The following MAGI2 variants were observed in gnomAD, a reference collection of about 807,000 sequenced individuals.
MAGI2 encodes membrane-associated guanylate kinase, WW and PDZ domain-containing protein 2.
MAGI2 carries 35 observed loss-of-function variants against 133.3 expected under a neutral mutation model. That is an observed-to-expected ratio of 0.26 (90% confidence interval 0.20 to 0.35). The LOEUF (loss-of-function observed/expected upper bound fraction) is 0.35, where lower values mean the gene tolerates loss of function less well. Ranked by LOEUF, MAGI2 falls within the 10% of genes least tolerant of loss-of-function variation. The pLI, the probability that MAGI2 is intolerant of heterozygous loss-of-function variation, is 1.00. For missense variants in MAGI2, 1,636 were observed against 1,863.4 expected, an observed-to-expected ratio of 0.88 and a Z score of 2.25; for synonymous variants, 729 against 710.6, an observed-to-expected ratio of 1.03 and a Z score of -0.41.
In MAGI2 at chr7:78,758,264, G is replaced by T. The variant is rs1824157542; in HGVS notation, c.419-131025C>A. Among the ~76,000 whole-genome samples, 3 of 150,926 alleles carry T rather than the reference G, an allele frequency of 2.0e-5. No homozygotes were observed. The South Asian group carries it at 6.3e-4, about 32-fold the overall frequency. Reference sequence around the variant, plus strand: ...ATTGGTCTCCCTCATACAAGACAGGGTTTTTTTTTCTGTTTTATTATATAT... The same window carrying T: ...ATTGGTCTCCCTCATACAAGACAGGTTTTTTTTTTCTGTTTTATTATATAT... On this transcript the variant is annotated intron_variant, in intron 2 of 21. Coordinates refer to ENST00000354212, the MANE Select transcript of MAGI2 (RefSeq NM_012301.4).
At chr7:78,228,272 G>GT (rs1303533119) in intron 10 of MAGI2, among the ~76,000 whole-genome samples, 4 of 152,332 alleles carry the variant, frequency 2.6e-5, no homozygotes, top group Admixed American at 6.5e-5. Context: ...CTAGATCACT[G>GT]TTTCCTAAGT....
chr7:78,819,252 A>AT (rs2151423553), intron 2 of MAGI2, among the ~76,000 whole-genome samples: 1 of 152,186 alleles, frequency 6.6e-6, no homozygotes, highest in South Asian at 2.1e-4. Context: ...CATGGGAGAG[A>AT]TTTCTTACAG....
At chr7:79,425,500 C>A (rs1381455649) in intron 1 of MAGI2, among the ~76,000 whole-genome samples, 1 of 151,150 alleles carries the variant, frequency 6.6e-6, no homozygotes, top group African/African-American at 2.4e-5. Flanking sequence ...TACTTCCAGG[C>A]AATTAGAATA....
chr7:78,072,040 G>A (rs1814767935), intron 21 of MAGI2, among the ~76,000 whole-genome samples: 1 of 152,176 alleles, frequency 6.6e-6, no homozygotes, highest in Admixed American at 6.5e-5. Flanking sequence ...AGGGTGTGAG[G>A]TAACACGTCC....
At chr7:78,304,786 C>T (rs943591567) in intron 9 of MAGI2, among the ~76,000 whole-genome samples, 6 of 152,094 alleles carry the variant, frequency 3.9e-5, no homozygotes, top group African/African-American at 1.4e-4. Flanking sequence ...GAAAGCTTCC[C>T]TGATAGGAGG....
At chr7:78,476,789 C>T (rs538755864) in intron 6 of MAGI2, among the ~76,000 whole-genome samples, 9 of 151,732 alleles carry the variant, frequency 5.9e-5, no homozygotes, top group East Asian at 2.0e-4. Context: ...ATCACTCAAT[C>T]GATATTATTC....
intron 2 of MAGI2, among the ~76,000 whole-genome samples, chr7:78,875,373 A>G (rs1335432387): frequency 1.3e-5 from 2 of 152,210 alleles, no homozygotes; most frequent in South Asian, 2.1e-4. Flanking sequence ...TAGAAGCAAG[A>G]GAACCACAGA....
intron 3 of MAGI2, among the ~76,000 whole-genome samples, chr7:78,569,188 G>A (rs906110370): frequency 3.3e-5 from 5 of 151,612 alleles, no homozygotes; most frequent in African/African-American, 7.3e-5. Context: ...AGCCCTTATC[G>A]CCACCTGACA....
rs187346641 is a variant in MAGI2, at chr7:78,364,153, A to G, written c.1103+5003T>C. Among the ~76,000 whole-genome samples the G allele has an allele frequency of 8.1e-4, 123 of 152,318 alleles. 1 individual carries two copies. The Middle Eastern group carries it at 0.01, about 13-fold the overall frequency. ...TTTGGCCACTAAGTGGCCAAAATTGATGTGTGCAAATTCTGTTTATAAGAT... is the reference window on the plus strand; with the variant it reads ...TTTGGCCACTAAGTGGCCAAAATTGGTGTGTGCAAATTCTGTTTATAAGAT... On this transcript the variant is annotated intron_variant, in intron 7 of 21. Transcript: ENST00000354212.
chr7:78,300,622 T>C (rs1797744202), intron 9 of MAGI2, among the ~76,000 whole-genome samples: 1 of 152,194 alleles, frequency 6.6e-6, no homozygotes, highest in African/African-American at 2.4e-5. Context: ...AAAGTTGATA[T>C]GCGTAAGTTA....
intron 3 of MAGI2, among the ~76,000 whole-genome samples, chr7:78,559,850 T>C (rs1563169454): frequency 1.3e-5 from 2 of 152,192 alleles, no homozygotes; most frequent in Non-Finnish European, 2.9e-5. Context: ...CATGTATGTG[T>C]GTGTGTACAC....
intron 3 of MAGI2, among the ~76,000 whole-genome samples, chr7:78,573,070 TATATATAC>T (rs1247855754): frequency 9.5e-4 from 77 of 81,164 alleles, no homozygotes; most frequent in East Asian, 3.8e-3. Context: ...TATATATATA[TATATATAC>T]ACACACACAC....
chr7:79,125,912 A>T (rs1488167830), intron 1 of MAGI2, among the ~76,000 whole-genome samples: 1 of 152,224 alleles, frequency 6.6e-6, no homozygotes, highest in East Asian at 1.9e-4. Context: ...TCAACCAAGC[A>T]TAGTGGTGGC....
chr7:78,763,490 C>G (rs1824718669), intron 2 of MAGI2, among the ~76,000 whole-genome samples: 1 of 152,162 alleles, frequency 6.6e-6, no homozygotes, highest in Non-Finnish European at 1.5e-5. Flanking sequence ...GTAATTCACA[C>G]AGGTGTGTGG....
chr7:79,317,872 C>T (rs562461951), intron 1 of MAGI2, among the ~76,000 whole-genome samples: 23 of 152,280 alleles, frequency 1.5e-4, no homozygotes, highest in Admixed American at 1.4e-3. Flanking sequence ...CTGGTTTCAG[C>T]CAGCAGCATG....
chr7:78,573,365 A>AATATATATATATATATAT lies in MAGI2; in HGVS notation c.539-51738_539-51721dup, dbSNP rs58739225. ...ATATATAGAGAGAGAGAATCCTGGA[A>AATATATATATATATATAT]ATATATATATATATATATATATATA... is the stretch of plus-strand genomic sequence containing the variant. On this transcript the variant is annotated intron_variant, in intron 3 of 21. Transcript: ENST00000354212. 2.5e-3 allele frequency among the ~76,000 whole-genome samples: 73 copies of AATATATATATATATATAT among 29,018 alleles called. 4 individuals are homozygous for AATATATATATATATATAT. The highest frequency in any genetic ancestry group is 4.1e-3 in the African/African-American group (22 of 5,406). The allele number at this position is 29,018 out of a possible 152,430, so 19.0% of individuals were successfully genotyped here.
chr7:78,521,175 A>AC (rs1351263848), intron 4 of MAGI2, among the ~76,000 whole-genome samples: 1 of 150,490 alleles, frequency 6.6e-6, no homozygotes, highest in Non-Finnish European at 1.5e-5. Flanking sequence ...GTAGTTGAAA[A>AC]AATATGCCAA....
chr7:79,196,702 C>G, intron 1 of MAGI2, among the ~76,000 whole-genome samples: 1 of 151,840 alleles, frequency 6.6e-6, no homozygotes, highest in African/African-American at 2.4e-5. Flanking sequence ...GAGTTTCCTA[C>G]TCTTTCATTC....
chr7:78,106,333 T>C (rs1390433654), intron 20 of MAGI2, among the ~76,000 whole-genome samples: 1 of 152,146 alleles, frequency 6.6e-6, no homozygotes, highest in Non-Finnish European at 1.5e-5. Flanking sequence ...GGTGCACATA[T>C]CTCTTAAAAT....
Sources: gnomAD v4.1 joint callset for allele counts (sites outside exome capture counted in the v4.1 genomes callset) on GRCh38, gnomAD v4.1.1 for gene constraint, MANE v1.5 for transcripts, NCBI Gene and HGNC (gene_info 2026-07-23, HGNC 2026-07-21) for gene names.